OTUD7B: variants seen among roughly 807,000 people sequenced by gnomAD.
The protein encoded by OTUD7B is OTU domain-containing protein 7B.
OTUD7B carries 34 observed loss-of-function variants against 82.2 expected under a neutral mutation model. That is an observed-to-expected ratio of 0.41 (90% CI 0.31 to 0.55). OTUD7B has a LOEUF of 0.55. Among genes scored for constraint, OTUD7B ranks in the 20% least tolerant of loss-of-function variants. The pLI, the probability that OTUD7B is intolerant of heterozygous loss-of-function variation, is 0.20. For missense variants in OTUD7B, 944 were observed against 1,062.1 expected (o/e 0.89, Z 1.55); for synonymous variants, 398 against 402.7 (o/e 0.99, Z 0.14).
Position 149,977,576 on chromosome 1 carries a change from C to T in OTUD7B, c.-66G>A. The T allele has an allele frequency of 8.9e-7, 1 of 1,119,788 alleles. No homozygotes were observed. The highest frequency in any genetic ancestry group is 1.5e-5 in the African/African-American group (1 of 65,498). The allele number at this position is 1,119,788 out of a possible 1,614,324, so 69.4% of individuals were successfully genotyped here. A position where few individuals can be genotyped will look rare whatever the true frequency, so the allele number is the denominator to read the frequency against. On this transcript the variant is annotated splice_region_variant and 5_prime_UTR_variant, in exon 2 of 12. The change creates a new upstream start codon in the 5' untranslated region. Coordinates refer to ENST00000581312, the MANE Select transcript of OTUD7B (RefSeq NM_020205.4). ...ACATAGATCAAAATTCAGGCCTCCACCTGAGGAATAAATAAATACATAAGG... is the reference window on the plus strand; with the variant it reads ...ACATAGATCAAAATTCAGGCCTCCATCTGAGGAATAAATAAATACATAAGG...
chr1:149,944,531 G>A lies in OTUD7B; in HGVS notation c.1858C>T (p.Arg620Cys), dbSNP rs368587804. The A allele has an allele frequency of 3.0e-5, 49 of 1,614,056 alleles. No homozygotes were observed. The highest frequency in any genetic ancestry group is 2.2e-4 in the East Asian group (10 of 44,878). The change falls in exon 12 of 12, where the codon CGT becomes TGT. Residue 620 changes from arginine to cysteine, a missense_variant. By Grantham distance (180) the Arg-to-Cys change is radical. Coordinates refer to ENST00000581312, the MANE Select transcript of OTUD7B (RefSeq NM_020205.4). The part of the protein sequence containing the change: ...IFVGTLKMGH[R>C]HQYQEEMIQR... ...ATCATTTCCTCCTGATACTGGTGAC[G>A]GTGACCCATCTTCAGGGTTCCAACA...
chr1:150,011,060 A>G (rs1653018444), upstream of OTUD7B, among the ~76,000 whole-genome samples: 1 of 152,204 alleles, frequency 6.6e-6, no homozygotes, highest in Admixed American at 6.5e-5. Flanking sequence ...GGTGAGAGAG[A>G]TGAAAATACT....
At chr1:150,032,504 G>A in the OTUD7B span, among the ~76,000 whole-genome samples, 1 of 149,618 alleles carries the variant, frequency 6.7e-6, no homozygotes. Flanking sequence ...GTATGGTGGT[G>A]CATGCCTGTA....
chr1:150,042,157 T>TCCTTCCTTTCTTCCTCCCTC, the OTUD7B span, among the ~76,000 whole-genome samples: 62 of 95,432 alleles, frequency 6.5e-4, no homozygotes, highest in African/African-American at 2.1e-3. Flanking sequence ...CTTCCTCCCT[T>TCCTTCCTTTCTTCCTCCCTC]CCTTCCTTCC....
At chr1:149,952,285 G>T (rs138539548) in intron 7 of OTUD7B, among the ~76,000 whole-genome samples, 2,691 of 148,444 alleles carry the variant, frequency 0.018, 66 homozygotes, top group African/African-American at 0.06. Flanking sequence ...CACCTATGAG[G>T]GAGAACATGT....
chr1:149,981,395 C>CT (rs1199298176), intron 1 of OTUD7B, among the ~76,000 whole-genome samples: 1 of 152,194 alleles, frequency 6.6e-6, no homozygotes, highest in Admixed American at 6.5e-5. Flanking sequence ...TACTGGACAG[C>CT]TTTAACTGTT....
chr1:149,949,228 C>A, intron 9 of OTUD7B, 145 bp from the exon 10 acceptor site: 1 of 615,082 alleles, frequency 1.6e-6, no homozygotes, highest in South Asian at 2.1e-5. Flanking sequence ...GGTATTAAAA[C>A]TAATTGGCTA....
the OTUD7B span, among the ~76,000 whole-genome samples, chr1:150,041,739 T>C: frequency 8.5e-4 from 129 of 152,358 alleles, no homozygotes; most frequent in Middle Eastern, 6.8e-3. Flanking sequence ...AGATTTTTAG[T>C]ACACTAATTG....
chr1:149,967,502 GC>G lies in OTUD7B; in HGVS notation c.293del (p.Gly98AlafsTer54). The G allele has an allele frequency of 6.2e-7, 1 of 1,603,006 alleles. No individual in the cohort carries two copies. Among genetic ancestry groups the G allele is most frequent in the Non-Finnish European group, 8.5e-7 (1 of 1,174,558 alleles). On this transcript the variant is annotated frameshift_variant, in exon 4 of 12. Coordinates refer to ENST00000581312, the MANE Select transcript of OTUD7B (RefSeq NM_020205.4). LOFTEE classifies it high-confidence loss of function. ...DIVQEKRLSRGISHASSSIVS... is the reference protein window; with the variant it reads ...DIVQEKRLSRXISHASSSIVS... Reference sequence around the variant, plus strand: ...CAATGCTGGAGCTGGCGTGGGAGATGCCCCTAGACAGGCGTTTTTCTGCAAT... The same window carrying G: ...CAATGCTGGAGCTGGCGTGGGAGATGCCCTAGACAGGCGTTTTTCTGCAAT...
chr1:150,008,798 T>C (rs1553786684), intron 1 of OTUD7B, among the ~76,000 whole-genome samples: 1 of 152,230 alleles, frequency 6.6e-6, no homozygotes, highest in East Asian at 1.9e-4. Context: ...ATTTTGGTTT[T>C]GGAATATATG....
upstream of OTUD7B, among the ~76,000 whole-genome samples, chr1:150,014,058 ATGTGTGTGTGTG>A (rs782449466): frequency 1.4e-4 from 12 of 87,520 alleles, no homozygotes; most frequent in South Asian, 4.4e-4. Context: ...GTGTATATAT[ATGTGTGTGTGTG>A]TGTGTGTGTG....
chr1:150,023,402 C>G, the OTUD7B span, among the ~76,000 whole-genome samples: 1 of 152,104 alleles, frequency 6.6e-6, no homozygotes, highest in Non-Finnish European at 1.5e-5. Flanking sequence ...TGTCCATCAG[C>G]ATATAAACAG....
intron 1 of OTUD7B, among the ~76,000 whole-genome samples, chr1:150,004,006 C>G (rs990676082): frequency 6.6e-6 from 1 of 152,182 alleles, no homozygotes; most frequent in African/African-American, 2.4e-5. Context: ...CACTCAATGT[C>G]TCAGACACCC....
intron 7 of OTUD7B, 125 bp downstream of exon 7, chr1:149,959,559 C>G: frequency 1.5e-6 from 1 of 671,788 alleles, no homozygotes. Flanking sequence ...ACTTTTGTGC[C>G]CTTAGCATAG....
chr1:150,053,195 T>C, the OTUD7B span, among the ~76,000 whole-genome samples: 16,154 of 151,574 alleles, frequency 0.11, 1,206 homozygotes, highest in Non-Finnish European at 0.17. Context: ...CTAATTAAAC[T>C]TAAGAGTTTT....
intron 1 of OTUD7B, among the ~76,000 whole-genome samples, chr1:149,981,775 T>C (rs1196659219): frequency 6.6e-6 from 1 of 152,174 alleles, no homozygotes; most frequent in Non-Finnish European, 1.5e-5. Context: ...CACCCCTACT[T>C]CCACTTCCAG....
chr1:150,033,770 G>A, the OTUD7B span, among the ~76,000 whole-genome samples: 1 of 152,100 alleles, frequency 6.6e-6, no homozygotes, highest in Non-Finnish European at 1.5e-5. Context: ...TCACCAGACT[G>A]GAGTATAGTG....
the OTUD7B span, among the ~76,000 whole-genome samples, chr1:150,029,044 G>A: frequency 6.6e-6 from 1 of 152,046 alleles, no homozygotes; most frequent in Non-Finnish European, 1.5e-5. Flanking sequence ...TTGGTGAACT[G>A]TACTGTTTTT....
At chr1:150,039,264 C>G in the OTUD7B span, among the ~76,000 whole-genome samples, 1 of 152,058 alleles carries the variant, frequency 6.6e-6, no homozygotes, top group Non-Finnish European at 1.5e-5. Flanking sequence ...CTTCATATGT[C>G]AAATTCCTAT....
Sources: allele counts gnomAD v4.1 joint callset (sites outside exome capture counted in the v4.1 genomes callset), GRCh38; gene constraint gnomAD v4.1.1; transcripts MANE v1.5; gene names NCBI Gene and HGNC (gene_info 2026-07-23, HGNC 2026-07-21).